The following HEBP1 variants were observed in gnomAD, a reference collection of about 807,000 sequenced individuals.
The protein encoded by HEBP1 is heme-binding protein 1.
Under a neutral mutation model 20.4 loss-of-function variants are expected in HEBP1, and 13 were observed. The ratio of observed to expected loss-of-function variants is 0.64; its 90% CI spans 0.42 to 1.01. The LOEUF is 1.01. Ranked by LOEUF, HEBP1 falls within the 50% of genes least tolerant of loss-of-function variation. HEBP1 has a pLI of 0.00. For missense variants in HEBP1, 241 were observed against 247.3 expected (o/e 0.97, Z 0.17); for synonymous variants, 92 against 90.7 (o/e 1.01, Z -0.08).
intron 1 of HEBP1, among the ~76,000 whole-genome samples, chr12:12,995,606 G>T (rs1864279941): frequency 6.6e-6 from 1 of 152,168 alleles, no homozygotes; most frequent in African/African-American, 2.4e-5. Context: ...CCACTCATTT[G>T]AACCACGGGA....
At chr12:12,984,955 G>A (rs1284316685) in intron 3 of HEBP1, among the ~76,000 whole-genome samples, 4 of 152,152 alleles carry the variant, frequency 2.6e-5, no homozygotes, top group African/African-American at 9.7e-5. Context: ...TTCAAGACCA[G>A]CCTGGCCAAG....
chr12:12,985,491 A>C (rs1331075455), intron 3 of HEBP1, among the ~76,000 whole-genome samples: 1 of 152,080 alleles, frequency 6.6e-6, no homozygotes, highest in African/African-American at 2.4e-5. Flanking sequence ...AGTTAAAGAC[A>C]AAAGAAAAAA....
intron 1 of HEBP1, among the ~76,000 whole-genome samples, chr12:12,990,725 T>G (rs552202554): frequency 7.2e-5 from 11 of 152,170 alleles, no homozygotes; most frequent in Non-Finnish European, 5.9e-5. Context: ...GCTACAAGAT[T>G]AGAAATTACA....
chr12:12,992,643 G>A (rs926729716), intron 1 of HEBP1, among the ~76,000 whole-genome samples: 3 of 152,216 alleles, frequency 2.0e-5, no homozygotes, highest in African/African-American at 7.2e-5. Flanking sequence ...GAATCATTCT[G>A]AGGCTGCTGT....
intron 1 of HEBP1, among the ~76,000 whole-genome samples, chr12:12,990,055 C>A (rs1239906782): frequency 6.6e-6 from 1 of 152,054 alleles, no homozygotes; most frequent in African/African-American, 2.4e-5. Flanking sequence ...TAAATCATCT[C>A]TACATTACTT....
intron 3 of HEBP1, among the ~76,000 whole-genome samples, chr12:12,980,973 T>A (rs1417495308): frequency 1.3e-5 from 2 of 152,214 alleles, no homozygotes; most frequent in Admixed American, 6.5e-5. Context: ...AGACAGGCGA[T>A]GTGATCAGTC....
rs1384029109 is a variant in HEBP1 at position 12,998,638 on chromosome 12, C to T, written c.78+1399G>A. ...GAACAGGTGAAAGGTCTTTGGTTGT[C>T]AAAGAGTTCAGATTAGAGTCTAATT... On this transcript the variant is annotated intron_variant, in intron 1 of 3. Transcript: ENST00000014930. The surrounding 1 kb of genome is among the most constrained non-coding windows in gnomAD (Gnocchi z 4.2). Among the ~76,000 whole-genome samples, 1 of 152,152 alleles carries T rather than the reference C, an allele frequency of 6.6e-6. No individual in the cohort carries two copies. Among genetic ancestry groups the T allele is most frequent in the Non-Finnish European group, 1.5e-5 (1 of 68,008 alleles).
chr12:12,999,399 C>T (rs1006041221), intron 1 of HEBP1, among the ~76,000 whole-genome samples: 3 of 152,182 alleles, frequency 2.0e-5, no homozygotes, highest in Admixed American at 6.5e-5. Flanking sequence ...TACTTCAATA[C>T]CGCCACGGTC....
chr12:12,987,682 G>A (rs1422334959), intron 2 of HEBP1, among the ~76,000 whole-genome samples: 5 of 150,336 alleles, frequency 3.3e-5, no homozygotes, highest in Admixed American at 2.6e-4. Flanking sequence ...AGGCTGGAGT[G>A]CAGTGGCATG....
chr12:12,989,225 C>T, intron 2 of HEBP1, 52 bp downstream of exon 2: 3 of 1,601,366 alleles, frequency 1.9e-6, no homozygotes, highest in Non-Finnish European at 2.6e-6. Context: ...TGAAGTGAGA[C>T]CTTGCAAAGC....
chr12:12,975,530 G>A, intron 3 of HEBP1, 51 bp from the exon 4 acceptor site: 1 of 1,508,290 alleles, frequency 6.6e-7, no homozygotes, highest in Non-Finnish European at 9.0e-7. Flanking sequence ...ACCTCTGAGA[G>A]AGGGGGGATC....
intron 3 of HEBP1, among the ~76,000 whole-genome samples, chr12:12,978,567 G>A (rs1592398535): frequency 6.6e-6 from 1 of 152,112 alleles, no homozygotes. Context: ...TCCCTCTGCT[G>A]GCAGTGGAGG....
At chr12:12,993,059 CCT>C (rs1410555768) in intron 1 of HEBP1, among the ~76,000 whole-genome samples, 3 of 151,976 alleles carry the variant, frequency 2.0e-5, no homozygotes, top group African/African-American at 4.8e-5. Context: ...AGCATTTAAA[CCT>C]CTGTTTCTTT....
Position 12,975,372 on chromosome 12 carries a change from G to T in HEBP1, c.506C>A (p.Thr169Lys). The T allele has an allele frequency of 6.2e-7, 1 of 1,613,992 alleles. No individual in the cohort carries two copies. The highest frequency in any genetic ancestry group is 8.5e-7 in the Non-Finnish European group (1 of 1,179,944). The part of the protein sequence containing the change: ...ATYRGDIYFC[T>K]GYDPPMKPYG... Reference sequence around the variant, plus strand: ...GGGCTTCATGGGAGGGTCATAACCCGTGCAGAAGTAGATGTCCCCCCGGTA... The same window carrying T: ...GGGCTTCATGGGAGGGTCATAACCCTTGCAGAAGTAGATGTCCCCCCGGTA... The change falls in exon 4 of 4, where the codon ACG becomes AAG. Residue 169 changes from threonine (T) to lysine (K), a missense_variant. Thr to Lys is a moderately conservative substitution (Grantham distance 78, BLOSUM62 -1). Transcript: ENST00000014930.
At chr12:12,976,476 G>A (rs906562214) in intron 3 of HEBP1, among the ~76,000 whole-genome samples, 10 of 152,142 alleles carry the variant, frequency 6.6e-5, no homozygotes, top group Admixed American at 2.0e-4. Flanking sequence ...AGTACATCCC[G>A]ATTTCTAATG....
At chr12:12,981,682 T>G (rs916524758) in intron 3 of HEBP1, among the ~76,000 whole-genome samples, 4 of 152,188 alleles carry the variant, frequency 2.6e-5, no homozygotes, top group African/African-American at 9.7e-5. Flanking sequence ...CCTCATGACG[T>G]CCATTTTACT....
Position 12,989,297 on chromosome 12 carries a change from G to T in HEBP1, c.197C>A (p.Ala66Glu), listed in dbSNP as rs770572537. ...REAMPKVAKY[A>E]GGTNDKGIGM... The stretch of plus-strand genomic sequence containing the variant: ...CTCACCCTTGTCATTGGTGCCCCCC[G>T]CATACTTTGCGACCTTGGGCATTGC... The change falls in exon 2 of 4, where the codon GCG becomes GAG. Residue 66 changes from alanine (A) to glutamate (E), a missense_variant. Physicochemically the swap from Ala to Glu is moderately radical, Grantham distance 107. Coordinates refer to ENST00000014930, the MANE Select transcript of HEBP1 (RefSeq NM_015987.5). 2 of 1,614,088 alleles carry T rather than the reference G, an allele frequency of 1.2e-6. No homozygotes were observed. The highest frequency in any genetic ancestry group is 1.7e-6 in the Non-Finnish European group (2 of 1,180,006).
At position 12,987,346 on chromosome 12, in the gene HEBP1, A is replaced by C; in HGVS notation, c.218-14T>G. ...CCATCCCAATTCCTGAAAACACAAA[A>C]GCACAGAGTGAGGCAGGGATCAGAG... On this transcript the variant is annotated splice_polypyrimidine_tract_variant and intron_variant, in intron 2 of 3. Coordinates refer to ENST00000014930, the MANE Select transcript of HEBP1 (RefSeq NM_015987.5). 6.2e-7 allele frequency: 1 copy of C among 1,609,500 alleles called. No individual in the cohort carries two copies. Among genetic ancestry groups the C allele is most frequent in the Non-Finnish European group, 8.5e-7 (1 of 1,176,878 alleles).
chr12:12,989,052 G>A (rs984941480), intron 2 of HEBP1, among the ~76,000 whole-genome samples: 1 of 152,232 alleles, frequency 6.6e-6, no homozygotes, highest in Non-Finnish European at 1.5e-5. Context: ...TGGAGATATT[G>A]AGCAGGGATG....
Sources: allele counts gnomAD v4.1 joint callset (sites outside exome capture counted in the v4.1 genomes callset), GRCh38; gene constraint gnomAD v4.1.1; non-coding constraint Gnocchi (gnomAD v3.1); transcripts MANE v1.5; gene names NCBI Gene and HGNC (gene_info 2026-07-23, HGNC 2026-07-21).